The following LAMB1 variants were observed in gnomAD, a reference collection of about 807,000 sequenced individuals.
The protein encoded by LAMB1 is laminin subunit beta 1, also known as laminin subunit beta-1.
Under a neutral mutation model 222.3 loss-of-function variants are expected in LAMB1, and 121 were observed. The observed-to-expected ratio is 0.54, with a 90% CI of 0.47 to 0.63. The LOEUF is 0.63. Ranked by LOEUF, LAMB1 falls within the 30% of genes least tolerant of loss-of-function variation. The probability of loss-of-function intolerance (pLI) is 0.00; values close to 1 mark genes in which losing one functional copy is unlikely to be tolerated. For missense variants in LAMB1, 2,172 were observed against 2,240.8 expected (o/e 0.97, Z 0.62); for synonymous variants, 794 against 807.2 (o/e 0.98, Z 0.28).
chr7:107,982,776 G>A (rs903764176), intron 7 of LAMB1, among the ~76,000 whole-genome samples: 2 of 152,190 alleles, frequency 1.3e-5, no homozygotes, highest in Non-Finnish European at 2.9e-5. Context: ...TTTGAAGTGA[G>A]TCTCAGGTCT....
At chr7:107,996,852 C>G (rs912444063) in intron 4 of LAMB1, among the ~76,000 whole-genome samples, 4 of 152,208 alleles carry the variant, frequency 2.6e-5, no homozygotes, top group African/African-American at 9.6e-5. Context: ...AACGGTCTTT[C>G]ACTAGAAGAA....
intron 13 of LAMB1, among the ~76,000 whole-genome samples, chr7:107,965,672 C>G (rs1055605328): frequency 6.6e-6 from 1 of 152,164 alleles, no homozygotes; most frequent in Non-Finnish European, 1.5e-5. Flanking sequence ...TAAAGAAGAG[C>G]TGTGGTTTGG....
chr7:107,927,380 T>C (rs1400977097), intron 31 of LAMB1, among the ~76,000 whole-genome samples: 3 of 151,804 alleles, frequency 2.0e-5, no homozygotes, highest in Non-Finnish European at 4.4e-5. Context: ...CCCCAATTAT[T>C]AACTTGCATC....
intron 5 of LAMB1, among the ~76,000 whole-genome samples, chr7:107,987,940 A>G (rs2034110770): frequency 6.6e-6 from 1 of 152,206 alleles, no homozygotes; most frequent in Non-Finnish European, 1.5e-5. Flanking sequence ...AAAAGAGAAC[A>G]CTAAAAAATT....
At chr7:107,924,453 C>CAATAGTGTAATCATGG in intron 32 of LAMB1, 64 bp from the exon 33 acceptor site, 1 of 1,306,382 alleles carries the variant, frequency 7.7e-7, no homozygotes. Flanking sequence ...CATTTAAGAG[C>CAATAGTGTAATCATGG]AATAGTGTAA....
In LAMB1 at chr7:107,937,188, T is replaced by TC. The variant is rs1177277279; in HGVS notation, c.3850dup (p.Glu1284GlyfsTer21). 6.2e-7 allele frequency: 1 copy of TC among 1,614,060 alleles called. No individual in the cohort carries two copies. The highest frequency in any genetic ancestry group is 8.5e-7 in the Non-Finnish European group (1 of 1,179,906). On this transcript the variant is annotated frameshift_variant, in exon 26 of 34. Coordinates refer to ENST00000222399, the MANE Select transcript of LAMB1 (RefSeq NM_002291.3). LOFTEE classifies it high-confidence loss of function. ...GGCTTCTGTCTGTAGAGAATCCAGT[T>TC]CTTTGGCTGTGCTGTTGCTTTGGGA...
intron 5 of LAMB1, among the ~76,000 whole-genome samples, chr7:107,988,059 A>G (rs1369805442): frequency 6.6e-6 from 1 of 152,262 alleles, no homozygotes; most frequent in African/African-American, 2.4e-5. Context: ...AAGAAAAAAG[A>G]TGACGGTTTT....
chr7:107,923,933 AT>A lies in LAMB1; in HGVS notation c.*17del, dbSNP rs977935801. 1.3e-6 allele frequency: 2 copies of A among 1,596,344 alleles called. No individual in the cohort carries two copies. The highest frequency in any genetic ancestry group is 1.4e-5 in the African/African-American group (1 of 73,532). On this transcript the variant is annotated 3_prime_UTR_variant, in exon 34 of 34. Coordinates refer to ENST00000222399, the MANE Select transcript of LAMB1 (RefSeq NM_002291.3). The stretch of plus-strand genomic sequence containing the variant: ...TTGTTTTACCTTGTTCACCTCAGCC[AT>A]TTTTTATTCTCCTCTGTTACAAGCA...
chr7:107,943,724 T>C (rs2033048405), intron 24 of LAMB1, among the ~76,000 whole-genome samples: 1 of 152,182 alleles, frequency 6.6e-6, no homozygotes, highest in African/African-American at 2.4e-5. Context: ...ATGTTCACAG[T>C]CACGCGACCC....
intron 24 of LAMB1, among the ~76,000 whole-genome samples, chr7:107,950,764 A>T (rs1320306971): frequency 6.6e-6 from 1 of 152,194 alleles, no homozygotes; most frequent in Non-Finnish European, 1.5e-5. Flanking sequence ...GAATCCAGTG[A>T]TCTTACTAGG....
At chr7:107,990,958 G>A (rs1358993973) in intron 5 of LAMB1, among the ~76,000 whole-genome samples, 5 of 152,110 alleles carry the variant, frequency 3.3e-5, no homozygotes, top group African/African-American at 7.2e-5. Flanking sequence ...CATCAACAGA[G>A]CCTCCCAACA....
chr7:107,975,098 G>A lies in LAMB1; in HGVS notation c.1370C>T (p.Ser457Phe). ...TGTTCCCAGAGGATTGCAAGCACAA[G>A]CTGTATTAAAACAAAATGAAGTGGA... ...LSSEDPFGCK[S>F]CACNPLGTIP... The change falls in exon 12 of 34, where the codon TCT becomes TTT. Residue 457 changes from serine (S) to phenylalanine (F), a missense_variant and splice_region_variant. By Grantham distance (155) the Ser-to-Phe change is radical. Coordinates refer to ENST00000222399, the MANE Select transcript of LAMB1 (RefSeq NM_002291.3). 6.2e-7 allele frequency: 1 copy of A among 1,600,400 alleles called. No individual in the cohort carries two copies. The highest frequency in any genetic ancestry group is 8.6e-7 in the Non-Finnish European group (1 of 1,167,594).
intron 27 of LAMB1, among the ~76,000 whole-genome samples, chr7:107,934,922 C>CGG (rs1562976182): frequency 2.9e-4 from 2 of 6,938 alleles, no homozygotes; most frequent in Non-Finnish European, 2.6e-4. Flanking sequence ...AAAAAAAAAG[C>CGG]GGGGGTGGGG....
intron 13 of LAMB1, among the ~76,000 whole-genome samples, chr7:107,965,710 G>T (rs1001055651): frequency 3.3e-5 from 5 of 152,160 alleles, no homozygotes; most frequent in African/African-American, 1.2e-4. Context: ...CATTCTCAAG[G>T]TTTGTTCTTT....
At chr7:107,959,062 C>T (rs1191137838) in intron 20 of LAMB1, among the ~76,000 whole-genome samples, 187 bp downstream of exon 20, 1 of 152,118 alleles carries the variant, frequency 6.6e-6, no homozygotes, top group African/African-American at 2.4e-5. Flanking sequence ...CAGAACGGTG[C>T]CTGGCACATA....
chr7:107,952,338 C>A, intron 22 of LAMB1, 115 bp from the exon 23 acceptor site: 2 of 740,362 alleles, frequency 2.7e-6, no homozygotes, highest in Non-Finnish European at 4.3e-6. Context: ...CCTTGAAATG[C>A]AAAGAAGGAA....
intron 24 of LAMB1, among the ~76,000 whole-genome samples, chr7:107,944,134 A>G (rs1052271846): frequency 6.6e-6 from 1 of 152,192 alleles, no homozygotes; most frequent in African/African-American, 2.4e-5. Flanking sequence ...GCAAAGGTAT[A>G]CCTTTGTTCA....
chr7:107,968,502 G>A lies in LAMB1; in HGVS notation c.1563-3815C>T, dbSNP rs541457112. Among the ~76,000 whole-genome samples the A allele has an allele frequency of 1.5e-3, 233 of 152,308 alleles. 3 individuals are homozygous for A. Among genetic ancestry groups the A allele is most frequent in the Admixed American group, 3.5e-3 (54 of 15,298 alleles). ...GATTAAGGGTAAGGACATCAAGATG[G>A]AGCGATTATTGGATGATCTGGGTGG... On this transcript the variant is annotated intron_variant, in intron 13 of 33. Transcript: ENST00000222399.
At chr7:107,954,571 G>A (rs545749228) in intron 21 of LAMB1, among the ~76,000 whole-genome samples, 7 of 152,154 alleles carry the variant, frequency 4.6e-5, no homozygotes, top group African/African-American at 9.6e-5. Context: ...TCAGGAGATC[G>A]AGACCATCCT....
Sources: gnomAD v4.1 joint callset for allele counts (sites outside exome capture counted in the v4.1 genomes callset) on GRCh38, gnomAD v4.1.1 for gene constraint, MANE v1.5 for transcripts, NCBI Gene and HGNC (gene_info 2026-07-23, HGNC 2026-07-21) for gene names.